RBPJ: variants seen among roughly 807,000 people sequenced by gnomAD.
RBPJ encodes the protein recombining binding protein suppressor of hairless.
A neutral mutation model predicts 67.8 loss-of-function variants in RBPJ; 9 were observed. That is an observed-to-expected ratio of 0.13 (90% CI 0.08 to 0.23). The LOEUF (loss-of-function observed/expected upper bound fraction) is 0.23. RBPJ is among the 10% of genes least tolerant of loss of function. RBPJ has a pLI of 1.00. For missense variants in RBPJ, 305 were observed against 595.6 expected (o/e 0.51, Z 5.08); for synonymous variants, 198 against 203.3 (o/e 0.97, Z 0.22).
chr4:26,343,182 C>T (rs902537151), intron 1 of RBPJ: 1 of 152,142 alleles, frequency 6.6e-6, no homozygotes, highest in Non-Finnish European at 1.5e-5. Context: ...GTTTTTTCAG[C>T]AGGGCGAGTT....
intron 1 of RBPJ, among the ~76,000 whole-genome samples, chr4:26,251,847 CAAA>C (rs769291407): frequency 9.5e-3 from 467 of 49,374 alleles, no homozygotes; most frequent in African/African-American, 0.02. Context: ...GACTCCGTCT[CAAA>C]AAAAAAAAAA....
intron 1 of RBPJ, among the ~76,000 whole-genome samples, chr4:26,230,738 C>G (rs568440696): frequency 6.6e-6 from 1 of 152,250 alleles, no homozygotes; most frequent in East Asian, 1.9e-4. Flanking sequence ...GTTCAGTTCT[C>G]TTCTATTTTT....
At chr4:26,340,881 AAAAG>A (rs561153680) in intron 1 of RBPJ, among the ~76,000 whole-genome samples, 45 of 152,102 alleles carry the variant, frequency 3.0e-4, no homozygotes, top group Middle Eastern at 3.4e-3. Context: ...AGAAAAAAAA[AAAAG>A]AAAGAAAGGT....
chr4:26,156,615 C>T, the RBPJ span, among the ~76,000 whole-genome samples: 1 of 73,132 alleles, frequency 1.4e-5, no homozygotes, highest in Admixed American at 1.8e-4. Flanking sequence ...AGCCCATGTC[C>T]AGCCAATTTT....
intron 3 of RBPJ, among the ~76,000 whole-genome samples, chr4:26,409,396 A>G (rs1433690770): frequency 6.6e-6 from 1 of 152,068 alleles, no homozygotes; most frequent in Non-Finnish European, 1.5e-5. Context: ...GCAGAGTGAG[A>G]CTCCGTCTAA....
chr4:26,205,415 T>C (rs1718135192), intron 1 of RBPJ, among the ~76,000 whole-genome samples: 1 of 152,004 alleles, frequency 6.6e-6, no homozygotes, highest in Non-Finnish European at 1.5e-5. Flanking sequence ...TGGGATTCCT[T>C]TTTAGCTTTT....
intron 7 of RBPJ, among the ~76,000 whole-genome samples, chr4:26,426,492 T>C (rs1285860027): frequency 1.3e-5 from 2 of 152,230 alleles, no homozygotes; most frequent in Non-Finnish European, 2.9e-5. Flanking sequence ...ATTAAGACGC[T>C]GATACATAAA....
the RBPJ span, among the ~76,000 whole-genome samples, chr4:26,122,525 T>C: frequency 6.6e-6 from 1 of 152,312 alleles, no homozygotes; most frequent in Middle Eastern, 3.4e-3. Context: ...GAGGAAGATA[T>C]AGTGATCAAA....
intron 1 of RBPJ, among the ~76,000 whole-genome samples, chr4:26,212,406 C>T (rs1457658099): frequency 6.8e-6 from 1 of 147,020 alleles, no homozygotes; most frequent in African/African-American, 2.5e-5. Flanking sequence ...CCTTTCTCAT[C>T]TTCTCCTGCC....
chr4:26,119,077 C>G, the RBPJ span, among the ~76,000 whole-genome samples: 2 of 152,172 alleles, frequency 1.3e-5, no homozygotes, highest in Non-Finnish European at 2.9e-5. Flanking sequence ...GTTTCACAAT[C>G]AGTAAAATAA....
intron 1 of RBPJ, among the ~76,000 whole-genome samples, chr4:26,334,670 T>A (rs1724623940): frequency 6.6e-6 from 1 of 152,194 alleles, no homozygotes; most frequent in South Asian, 2.1e-4. Flanking sequence ...CCCTTATGCT[T>A]ACATATTAAA....
intron 1 of RBPJ, among the ~76,000 whole-genome samples, chr4:26,245,184 C>T (rs958324923): frequency 1.3e-5 from 2 of 150,120 alleles, no homozygotes; most frequent in Non-Finnish European, 3.0e-5. Flanking sequence ...TCTCTCCAGT[C>T]CCTGGCAATC....
Position 26,332,010 on chromosome 4 carries a change from A to G in RBPJ, c.20+10962A>G, listed in dbSNP as rs1299562646. ...TTTTTCTAGTGTATATGCCAAGGCA[A>G]TATTATTCTCTTGACTATGGGATTC... On this transcript the variant is annotated intron_variant, in intron 1 of 10. Coordinates refer to ENST00000355476, the MANE Select transcript of RBPJ (RefSeq NM_015874.6). Among the ~76,000 whole-genome samples, 4 of 152,228 alleles carry G rather than the reference A, an allele frequency of 2.6e-5. No individual in the cohort carries two copies. In the East Asian group the frequency reaches 7.7e-4, roughly 29 times the overall value.
intron 1 of RBPJ, among the ~76,000 whole-genome samples, chr4:26,352,412 T>A (rs529492074): frequency 6.6e-6 from 1 of 152,330 alleles, no homozygotes; most frequent in Non-Finnish European, 1.5e-5. Context: ...CCCAAAGGGC[T>A]TCCCTCCTGA....
At chr4:26,316,924 C>T (rs1387252503), upstream of RBPJ, among the ~76,000 whole-genome samples, 1 of 137,496 alleles carries the variant, frequency 7.3e-6, no homozygotes, top group Non-Finnish European at 1.5e-5. Context: ...GTACTCACTG[C>T]TAGTCTAGTC....
chr4:26,376,356 T>C (rs920878963), intron 1 of RBPJ, among the ~76,000 whole-genome samples: 2 of 152,246 alleles, frequency 1.3e-5, no homozygotes, highest in African/African-American at 4.8e-5. Flanking sequence ...CTCTAGGACC[T>C]CATATAAGTG....
rs113116334 is a variant in RBPJ at position 26,213,913 on chromosome 4, G to C, written c.-167+50299G>C. On this transcript the variant is annotated intron_variant, in intron 1 of 4. Coordinates refer to the RBPJ transcript ENST00000512351. Reference sequence around the variant, plus strand: ...GAAAATAGATTCGACAGGATTTGCTGATAAGGGTGATGGCAAAGGGGAAAA... The same window carrying C: ...GAAAATAGATTCGACAGGATTTGCTCATAAGGGTGATGGCAAAGGGGAAAA... 8.7e-3 allele frequency among the ~76,000 whole-genome samples: 1,323 copies of C among 152,276 alleles called. 21 individuals carry two copies. The highest frequency in any genetic ancestry group is 0.03 in the African/African-American group (1,250 of 41,546).
chr4:26,359,985 C>CG (rs1034833817), intron 1 of RBPJ, among the ~76,000 whole-genome samples: 5 of 152,096 alleles, frequency 3.3e-5, no homozygotes, highest in African/African-American at 4.8e-5. Flanking sequence ...ACAAAATAAT[C>CG]AGAATTTAGT....
the RBPJ span, among the ~76,000 whole-genome samples, chr4:26,105,851 C>G: frequency 4.6e-5 from 7 of 152,002 alleles, no homozygotes; most frequent in Admixed American, 2.6e-4. Flanking sequence ...ATTTTGATCT[C>G]TGCCCCAAAA....
Sources: gnomAD v4.1 joint callset for allele counts (sites outside exome capture counted in the v4.1 genomes callset) on GRCh38, gnomAD v4.1.1 for gene constraint, MANE v1.5 for transcripts, NCBI Gene and HGNC (gene_info 2026-07-23, HGNC 2026-07-21) for gene names.